The following GPR158 variants were observed in gnomAD, a reference collection of about 807,000 sequenced individuals.
GPR158 encodes the protein metabotropic glycine receptor.
GPR158 carries 30 observed loss-of-function variants against 78.2 expected under a neutral mutation model. That is an observed-to-expected ratio of 0.38 (90% confidence interval 0.29 to 0.52). The LOEUF (loss-of-function observed/expected upper bound fraction) is 0.52. Ranked by LOEUF, GPR158 falls within the 20% of genes least tolerant of loss-of-function variation. The pLI is 0.83. For missense variants in GPR158, 1,463 were observed against 1,523.5 expected, an observed-to-expected ratio of 0.96 and a Z score of 0.66; for synonymous variants, 581 against 591.1, an observed-to-expected ratio of 0.98 and a Z score of 0.25.
rs112547953 is a variant in GPR158 at position 25,267,603 on chromosome 10, G to A, written c.1008+46446G>A. Among the ~76,000 whole-genome samples the A allele has an allele frequency of 3.3e-3, 499 of 152,098 alleles. 5 individuals carry two copies. Among genetic ancestry groups the A allele is most frequent in the African/African-American group, 0.012 (486 of 41,500 alleles). ...TATAGGGTAGTATGTTATTTTTATG[G>A]AATTATTTTGGAATCTTATGTAAAA... On this transcript the variant is annotated intron_variant, in intron 2 of 10. Coordinates refer to ENST00000376351, the MANE Select transcript of GPR158 (RefSeq NM_020752.3).
rs1434453156 is a variant in GPR158, at chr10:25,412,449, G to T, written c.1311G>T (p.Val437=). ...TGCTCGACTTCGTTAGCATGCTGGTGGTCTACCACTTTCGCAAAGCAAAGG... is the reference window on the plus strand; with the variant it reads ...TGCTCGACTTCGTTAGCATGCTGGTTGTCTACCACTTTCGCAAAGCAAAGG... ...CMLLDFVSML[V]VYHFRKAKSI... is the part of the protein sequence containing the mutation. Residue 437 remains valine (V), a synonymous_variant, in exon 4 of 11, where the codon GTG becomes GTT. Coordinates refer to ENST00000376351, the MANE Select transcript of GPR158 (RefSeq NM_020752.3). 1 of 1,613,732 alleles carries T rather than the reference G, an allele frequency of 6.2e-7. No homozygotes were observed. Among genetic ancestry groups the T allele is most frequent in the Admixed American group, 1.7e-5 (1 of 60,018 alleles).
chr10:25,446,794 T>G (rs985324790), intron 4 of GPR158, among the ~76,000 whole-genome samples: 1 of 152,216 alleles, frequency 6.6e-6, no homozygotes, highest in African/African-American at 2.4e-5. Flanking sequence ...TGAATTGATC[T>G]GAATGTTTAA....
At chr10:25,202,037 G>T (rs988776799) in intron 1 of GPR158, among the ~76,000 whole-genome samples, 1 of 152,056 alleles carries the variant, frequency 6.6e-6, no homozygotes, top group Admixed American at 6.6e-5. Flanking sequence ...AATAGTTTCA[G>T]TAGGAATGGT....
chr10:25,411,439 C>T (rs1372925696), intron 3 of GPR158, among the ~76,000 whole-genome samples: 1 of 151,982 alleles, frequency 6.6e-6, no homozygotes, highest in Admixed American at 6.6e-5. Flanking sequence ...AGATGAGATC[C>T]CTGATGAATG....
intron 2 of GPR158, among the ~76,000 whole-genome samples, chr10:25,384,182 A>G (rs1244503259): frequency 6.6e-6 from 1 of 152,156 alleles, no homozygotes; most frequent in Admixed American, 6.5e-5. Flanking sequence ...GAGAAAAGAC[A>G]TTTGTAGAGT....
intron 2 of GPR158, among the ~76,000 whole-genome samples, chr10:25,368,652 G>T (rs975114403): frequency 6.6e-6 from 1 of 151,732 alleles, no homozygotes; most frequent in Non-Finnish European, 1.5e-5. Context: ...AAATTTGTTC[G>T]GCCATTGTGG....
At chr10:25,374,913 A>G (rs1460244418) in intron 2 of GPR158, among the ~76,000 whole-genome samples, 1 of 151,758 alleles carries the variant, frequency 6.6e-6, no homozygotes, top group African/African-American at 2.4e-5. Context: ...ATGCCTAAGA[A>G]TGCAATTGTT....
In GPR158 at chr10:25,175,754, T is replaced by G; in HGVS notation, c.334T>G (p.Trp112Gly). The change falls in exon 1 of 11, where the codon TGG becomes GGG. Residue 112 changes from tryptophan to glycine, a missense_variant. Coordinates refer to ENST00000376351, the MANE Select transcript of GPR158 (RefSeq NM_020752.3). The surrounding 1 kb of genome is among the most constrained non-coding windows in gnomAD (Gnocchi z 6.4). The stretch of plus-strand genomic sequence containing the variant: ...CGAGTTGGCGGGCCTGCCGGGGAAG[T>G]GGCCAGCCCTGGCCAGCGCGCACCC... ...RYELAGLPGK[W>G]PALASAHPSL... 6.2e-7 allele frequency: 1 copy of G among 1,610,908 alleles called. No individual in the cohort carries two copies. The highest frequency in any genetic ancestry group is 8.5e-7 in the Non-Finnish European group (1 of 1,179,872).
intron 2 of GPR158, among the ~76,000 whole-genome samples, chr10:25,367,629 T>G (rs1288271874): frequency 6.7e-6 from 1 of 148,166 alleles, no homozygotes; most frequent in Non-Finnish European, 1.5e-5. Flanking sequence ...TCATATTTTC[T>G]TTAATTTATC....
intron 10 of GPR158, 55 bp downstream of exon 10, chr10:25,596,844 G>A: frequency 6.6e-7 from 1 of 1,525,166 alleles, no homozygotes; most frequent in South Asian, 1.2e-5. Flanking sequence ...ATTTATACAG[G>A]CAGGCGTGTG....
At chr10:25,343,993 C>T (rs1180964858) in intron 2 of GPR158, among the ~76,000 whole-genome samples, 1 of 151,970 alleles carries the variant, frequency 6.6e-6, no homozygotes, top group Non-Finnish European at 1.5e-5. Context: ...AGATCTCCTA[C>T]ACTAACTGGA....
chr10:25,311,457 T>G (rs7095809), intron 2 of GPR158, among the ~76,000 whole-genome samples: 30,693 of 151,818 alleles, frequency 0.2, 5,235 homozygotes, highest in African/African-American at 0.47. Flanking sequence ...AACATTATAT[T>G]CAGTCTACCA....
chr10:25,247,788 G>A (rs1353367171), intron 2 of GPR158, among the ~76,000 whole-genome samples: 5 of 150,790 alleles, frequency 3.3e-5, no homozygotes, highest in Non-Finnish European at 7.4e-5. Flanking sequence ...GTGTGCATGT[G>A]TCTTTATAGC....
intron 2 of GPR158, among the ~76,000 whole-genome samples, chr10:25,241,415 T>C (rs1588753250): frequency 7.0e-6 from 1 of 142,696 alleles, no homozygotes; most frequent in East Asian, 2.0e-4. Flanking sequence ...TCTTCTCTTT[T>C]CTTTTCTTTT....
chr10:25,513,168 ATT>A (rs571813298), intron 5 of GPR158, among the ~76,000 whole-genome samples: 1 of 141,588 alleles, frequency 7.1e-6, no homozygotes. Flanking sequence ...CTGGTCCTGG[ATT>A]TTTTTTTTTT....
intron 4 of GPR158, among the ~76,000 whole-genome samples, chr10:25,413,797 C>T (rs1478144784): frequency 6.6e-6 from 1 of 152,162 alleles, no homozygotes; most frequent in African/African-American, 2.4e-5. Flanking sequence ...TGGACAGTTT[C>T]ATTAGCAGAA....
At chr10:25,328,072 C>T (rs558735926) in intron 2 of GPR158, among the ~76,000 whole-genome samples, 6 of 152,176 alleles carry the variant, frequency 3.9e-5, no homozygotes, top group South Asian at 4.1e-4. Context: ...ATATACAGTT[C>T]GTCTGTATAA....
intron 2 of GPR158, among the ~76,000 whole-genome samples, chr10:25,376,802 T>G (rs1834087457): frequency 6.6e-6 from 1 of 151,756 alleles, no homozygotes; most frequent in Non-Finnish European, 1.5e-5. Context: ...TTCTGCACTT[T>G]CAGTCCCTAA....
chr10:25,527,403 A>G (rs2130689536), intron 5 of GPR158, among the ~76,000 whole-genome samples: 1 of 152,338 alleles, frequency 6.6e-6, no homozygotes, highest in Non-Finnish European at 1.5e-5. Context: ...ATATCCTATG[A>G]CTTCAATTTG....
Sources: allele counts gnomAD v4.1 joint callset (sites outside exome capture counted in the v4.1 genomes callset), GRCh38; gene constraint gnomAD v4.1.1; non-coding constraint Gnocchi (gnomAD v3.1); transcripts MANE v1.5; gene names NCBI Gene and HGNC (gene_info 2026-07-23, HGNC 2026-07-21).